Variants in CCSER1 observed in about 807,000 individuals in gnomAD.
CCSER1 encodes serine-rich coiled-coil domain-containing protein 1.
Under a neutral mutation model 82.0 loss-of-function variants are expected in CCSER1, and 41 were observed. That is an observed-to-expected ratio of 0.50 (90% CI 0.39 to 0.65). The LOEUF is 0.65. CCSER1 is among the 30% of genes least tolerant of loss of function. CCSER1 has a pLI of 0.00. For missense variants in CCSER1, 1,119 were observed against 1,064.2 expected (o/e 1.05, Z -0.72); for synonymous variants, 414 against 383.9 (o/e 1.08, Z -0.92).
intron 7 of CCSER1, among the ~76,000 whole-genome samples, chr4:90,739,219 C>A (rs188710461): frequency 5.2e-4 from 79 of 152,320 alleles, no homozygotes; most frequent in Admixed American, 5.0e-3. Flanking sequence ...CCCTTTAGGG[C>A]AGTGGGTTCC....
intron 9 of CCSER1, among the ~76,000 whole-genome samples, chr4:91,003,509 G>A (rs1474561360): frequency 2.6e-5 from 4 of 152,058 alleles, no homozygotes; most frequent in Admixed American, 6.5e-5. Flanking sequence ...GTGGGGGAAA[G>A]CCAGCAGTCA....
At chr4:90,775,340 G>A (rs567737068) in intron 7 of CCSER1, among the ~76,000 whole-genome samples, 3 of 152,184 alleles carry the variant, frequency 2.0e-5, no homozygotes, top group South Asian at 4.1e-4. Flanking sequence ...ATCAAACAAT[G>A]TAACTAATTA....
chr4:90,797,295 G>T (rs549262883), intron 7 of CCSER1, among the ~76,000 whole-genome samples: 1 of 150,402 alleles, frequency 6.6e-6, no homozygotes, highest in Non-Finnish European at 1.5e-5. Context: ...CTGAAACTAG[G>T]ATTGCAACCC....
chr4:91,000,302 A>ATATAAC (rs2150474859), intron 9 of CCSER1, among the ~76,000 whole-genome samples: 1 of 152,142 alleles, frequency 6.6e-6, no homozygotes, highest in East Asian at 1.9e-4. Context: ...TACATACTAC[A>ATATAAC]TTATAATATA....
At chr4:90,185,600 G>A (rs961756262) in intron 1 of CCSER1, among the ~76,000 whole-genome samples, 2 of 151,936 alleles carry the variant, frequency 1.3e-5, no homozygotes, top group Non-Finnish European at 2.9e-5. Context: ...TAAAACATAT[G>A]CCACTGTTAT....
intron 9 of CCSER1, among the ~76,000 whole-genome samples, chr4:91,076,237 G>C (rs1467286731): frequency 2.3e-5 from 2 of 88,494 alleles, no homozygotes; most frequent in African/African-American, 4.4e-5. Context: ...CAATAATCTA[G>C]TGCCTAAATT....
At chr4:91,100,199 A>AAT (rs1724918727) in intron 10 of CCSER1, among the ~76,000 whole-genome samples, 2 of 151,948 alleles carry the variant, frequency 1.3e-5, no homozygotes, top group South Asian at 2.1e-4. Flanking sequence ...ATAAAAAAAA[A>AAT]ATCAGTTTGG....
intron 3 of CCSER1, among the ~76,000 whole-genome samples, chr4:90,372,198 A>G (rs577877644): frequency 6.6e-6 from 1 of 152,300 alleles, no homozygotes; most frequent in East Asian, 1.9e-4. Context: ...ATCTAAAATA[A>G]AAACATAACA....
chr4:91,183,207 G>T (rs1734212776), intron 10 of CCSER1, among the ~76,000 whole-genome samples: 1 of 152,188 alleles, frequency 6.6e-6, no homozygotes, highest in African/African-American at 2.4e-5. Flanking sequence ...TCAATTAACT[G>T]TGTGGGATGA....
chr4:90,475,912 G>C (rs541194966), intron 5 of CCSER1, among the ~76,000 whole-genome samples: 5 of 152,274 alleles, frequency 3.3e-5, no homozygotes, highest in African/African-American at 1.2e-4. Context: ...CCTGGTAGCA[G>C]GAATGCATTA....
At chr4:91,194,532 T>C (rs1735248160) in intron 10 of CCSER1, among the ~76,000 whole-genome samples, 1 of 152,162 alleles carries the variant, frequency 6.6e-6, no homozygotes, top group African/African-American at 2.4e-5. Flanking sequence ...GCATTTGGGA[T>C]GGGAAAATTG....
At chr4:91,581,303 C>A (rs1763715206) in intron 10 of CCSER1, among the ~76,000 whole-genome samples, 1 of 151,698 alleles carries the variant, frequency 6.6e-6, no homozygotes, top group Non-Finnish European at 1.5e-5. Context: ...TGTTTTATTT[C>A]ATATACACGT....
intron 9 of CCSER1, among the ~76,000 whole-genome samples, chr4:90,962,641 G>A (rs370898823): frequency 2.0e-5 from 3 of 152,020 alleles, no homozygotes; most frequent in African/African-American, 7.2e-5. Flanking sequence ...AAAATCATTT[G>A]AAATGTGTAA....
chr4:90,450,069 T>C (rs1214501830), intron 4 of CCSER1, among the ~76,000 whole-genome samples: 1 of 152,218 alleles, frequency 6.6e-6, no homozygotes, highest in Non-Finnish European at 1.5e-5. Context: ...ATAGGGATGA[T>C]GCTGCTCTTC....
chr4:91,463,368 A>G (rs1756632447), intron 10 of CCSER1, among the ~76,000 whole-genome samples: 1 of 152,202 alleles, frequency 6.6e-6, no homozygotes, highest in Admixed American at 6.5e-5. Context: ...CGTCACCATC[A>G]TCAAAGACCA....
intron 10 of CCSER1, among the ~76,000 whole-genome samples, chr4:91,106,606 G>T (rs905997809): frequency 2.6e-5 from 4 of 151,990 alleles, no homozygotes; most frequent in Non-Finnish European, 4.4e-5. Flanking sequence ...CTACTATTTT[G>T]ATGTGCTTTG....
chr4:91,330,788 C>T (rs1198760948), intron 10 of CCSER1, among the ~76,000 whole-genome samples: 4 of 152,110 alleles, frequency 2.6e-5, no homozygotes, highest in African/African-American at 9.7e-5. Context: ...GTAGTCTCCC[C>T]TTATCTGAGG....
intron 10 of CCSER1, among the ~76,000 whole-genome samples, chr4:91,466,453 A>G (rs1218448634): frequency 6.6e-6 from 1 of 152,228 alleles, no homozygotes; most frequent in Non-Finnish European, 1.5e-5. Context: ...CAAGACAGGG[A>G]TGCCCTCTCT....
intron 9 of CCSER1, among the ~76,000 whole-genome samples, chr4:91,050,663 C>T (rs188883723): frequency 3.3e-5 from 5 of 152,234 alleles, no homozygotes; most frequent in Admixed American, 6.5e-5. Flanking sequence ...TTCAACTAGT[C>T]GAGCAGGAGC....
Sources: gnomAD v4.1 joint callset for allele counts (sites outside exome capture counted in the v4.1 genomes callset) on GRCh38, gnomAD v4.1.1 for gene constraint, MANE v1.5 for transcripts, NCBI Gene and HGNC (gene_info 2026-07-23, HGNC 2026-07-21) for gene names.